The following LHFPL3 variants were observed in gnomAD, a reference collection of about 807,000 sequenced individuals.
LHFPL3 encodes LHFPL tetraspan subfamily member 3 protein.
A neutral mutation model predicts 19.3 loss-of-function variants in LHFPL3; 5 were observed. The ratio of observed to expected loss-of-function variants is 0.26; its 90% CI spans 0.14 to 0.54. LHFPL3 has a LOEUF of 0.54. Ranked by LOEUF, LHFPL3 falls within the 20% of genes least tolerant of loss-of-function variation. The probability of loss-of-function intolerance (pLI) is 0.94; values close to 1 mark genes in which losing one functional copy is unlikely to be tolerated. For synonymous variants in LHFPL3, 133 were observed against 126.2 expected (o/e 1.05, Z -0.36); for missense variants, 249 against 307.4 (o/e 0.81, Z 1.42).
At chr7:104,403,083 G>A (rs1215518653) in intron 1 of LHFPL3, among the ~76,000 whole-genome samples, 1 of 152,082 alleles carries the variant, frequency 6.6e-6, no homozygotes, top group Non-Finnish European at 1.5e-5. Flanking sequence ...TGCATGCGGG[G>A]CTTAAAACCT....
intron 1 of LHFPL3, among the ~76,000 whole-genome samples, chr7:104,567,234 T>C (rs1790140732): frequency 6.6e-6 from 1 of 152,244 alleles, no homozygotes; most frequent in Non-Finnish European, 1.5e-5. Context: ...TGTATTACAT[T>C]ATTTTGTCTC....
chr7:104,850,986 G>T (rs998314408), intron 2 of LHFPL3, among the ~76,000 whole-genome samples: 3 of 152,124 alleles, frequency 2.0e-5, no homozygotes, highest in Non-Finnish European at 4.4e-5. Flanking sequence ...AGACCCACAG[G>T]CCACCACTTT....
At chr7:104,822,548 C>A (rs907738604) in intron 2 of LHFPL3, among the ~76,000 whole-genome samples, 1 of 152,168 alleles carries the variant, frequency 6.6e-6, no homozygotes, top group Non-Finnish European at 1.5e-5. Flanking sequence ...AGTAGCACCA[C>A]TCAGTTGAAA....
intron 1 of LHFPL3, among the ~76,000 whole-genome samples, chr7:104,603,041 A>C (rs1790999163): frequency 6.6e-6 from 1 of 150,586 alleles, no homozygotes. Flanking sequence ...ATGAGGATTA[A>C]GTTTTCTTTT....
chr7:104,431,411 T>G (rs755890795), intron 1 of LHFPL3, among the ~76,000 whole-genome samples: 42 of 152,244 alleles, frequency 2.8e-4, no homozygotes, highest in Non-Finnish European at 5.6e-4. Flanking sequence ...ACCATGTTGA[T>G]ATCTTCTGAC....
chr7:104,867,277 A>G lies in LHFPL3; in HGVS notation c.683-38910A>G, dbSNP rs192350657. Among the ~76,000 whole-genome samples, 271 of 152,330 alleles carry G rather than the reference A, an allele frequency of 1.8e-3. 2 individuals are homozygous for G. Among genetic ancestry groups the G allele is most frequent in the African/African-American group, 6.1e-3 (253 of 41,580 alleles). The stretch of plus-strand genomic sequence containing the variant: ...CACAAAAATCCCTTCAAAAAAATCA[A>G]TGAATCCAGGAGCTGGTTTTTTGAA... On this transcript the variant is annotated intron_variant, in intron 2 of 2. Transcript: ENST00000424859.
intron 2 of LHFPL3, among the ~76,000 whole-genome samples, chr7:104,818,374 G>A (rs559819474): frequency 6.7e-6 from 1 of 148,454 alleles, no homozygotes; most frequent in South Asian, 2.2e-4. Context: ...ACTGGCTTGG[G>A]CACTTCTCTC....
intron 1 of LHFPL3, among the ~76,000 whole-genome samples, chr7:104,615,793 G>C (rs1010942807): frequency 6.6e-6 from 1 of 151,540 alleles, no homozygotes; most frequent in African/African-American, 2.4e-5. Flanking sequence ...TTCGGTTCCT[G>C]TGTTAGTTTG....
chr7:104,812,180 C>T (rs531489861), intron 2 of LHFPL3, among the ~76,000 whole-genome samples: 2 of 152,322 alleles, frequency 1.3e-5, no homozygotes, highest in African/African-American at 4.8e-5. Flanking sequence ...TCACAGTCCA[C>T]AAAGTCTCCA....
intron 1 of LHFPL3, among the ~76,000 whole-genome samples, chr7:104,585,480 A>AAACACACACACAC (rs1790551915): frequency 8.1e-6 from 1 of 123,362 alleles, no homozygotes; most frequent in Admixed American, 8.4e-5. Flanking sequence ...AACACACACA[A>AAACACACACACAC]ACACACACAC....
chr7:104,887,386 G>A (rs2116698843), intron 2 of LHFPL3, among the ~76,000 whole-genome samples: 1 of 152,310 alleles, frequency 6.6e-6, no homozygotes, highest in African/African-American at 2.4e-5. Flanking sequence ...GGAGAGGAAG[G>A]TGGTCAATAA....
At chr7:104,778,594 C>T (rs1313969387) in intron 2 of LHFPL3, among the ~76,000 whole-genome samples, 1 of 152,230 alleles carries the variant, frequency 6.6e-6, no homozygotes, top group African/African-American at 2.4e-5. Context: ...CTAACATCCA[C>T]TGTATCTCCC....
At chr7:104,467,582 G>A (rs1355785011) in intron 1 of LHFPL3, among the ~76,000 whole-genome samples, 1 of 152,156 alleles carries the variant, frequency 6.6e-6, no homozygotes. Flanking sequence ...CCCCGTATTA[G>A]ATTGTGTTGC....
intron 2 of LHFPL3, among the ~76,000 whole-genome samples, chr7:104,866,035 T>A (rs934090266): frequency 2.4e-4 from 36 of 152,216 alleles, no homozygotes; most frequent in African/African-American, 8.4e-4. Context: ...TGAGAGATTT[T>A]GTCACCACTA....
chr7:104,812,521 G>A (rs541322063), intron 2 of LHFPL3, among the ~76,000 whole-genome samples: 9 of 152,052 alleles, frequency 5.9e-5, no homozygotes, highest in South Asian at 2.1e-4. Context: ...TTAATTAGAC[G>A]TAGCCAGGTG....
chr7:104,854,061 T>C (rs1791457394), intron 2 of LHFPL3, among the ~76,000 whole-genome samples: 1 of 152,130 alleles, frequency 6.6e-6, no homozygotes, highest in Non-Finnish European at 1.5e-5. Flanking sequence ...ACCCCTGTAA[T>C]AAAAGACAGG....
intron 1 of LHFPL3, among the ~76,000 whole-genome samples, chr7:104,342,987 A>G (rs1789985900): frequency 7.2e-6 from 1 of 139,076 alleles, no homozygotes; most frequent in Non-Finnish European, 1.5e-5. Flanking sequence ...CATATTATTA[A>G]AGAATTGACT....
intron 1 of LHFPL3, among the ~76,000 whole-genome samples, chr7:104,607,739 A>T (rs1358034558): frequency 6.6e-6 from 1 of 152,194 alleles, no homozygotes; most frequent in East Asian, 1.9e-4. Context: ...AATTTTCGCA[A>T]CCTACTCATC....
At chr7:104,589,286 A>T (rs1358225776) in intron 1 of LHFPL3, among the ~76,000 whole-genome samples, 1 of 152,162 alleles carries the variant, frequency 6.6e-6, no homozygotes, top group African/African-American at 2.4e-5. Flanking sequence ...GATATGTTCC[A>T]TCAATACCTA....
Sources: allele counts gnomAD v4.1 joint callset (sites outside exome capture counted in the v4.1 genomes callset), GRCh38; gene constraint gnomAD v4.1.1; transcripts MANE v1.5; gene names NCBI Gene and HGNC (gene_info 2026-07-23, HGNC 2026-07-21).